RUNDC3B: variants seen among roughly 807,000 people sequenced by gnomAD.
RUNDC3B encodes RUN domain containing 3B.
Under a neutral mutation model 58.4 loss-of-function variants are expected in RUNDC3B, and 33 were observed. The observed-to-expected ratio is 0.56, with a 90% confidence interval of 0.43 to 0.75. The LOEUF (loss-of-function observed/expected upper bound fraction) is 0.75, where lower values mean the gene tolerates loss of function less well. RUNDC3B is among the 30% of genes least tolerant of loss of function. RUNDC3B has a pLI of 0.00. For missense variants in RUNDC3B, 501 were observed against 535.7 expected, an observed-to-expected ratio of 0.94 and a Z score of 0.64; for synonymous variants, 193 against 195.2, an observed-to-expected ratio of 0.99 and a Z score of 0.10.
intron 2 of RUNDC3B, among the ~76,000 whole-genome samples, chr7:87,675,516 T>G (rs1245464926): frequency 6.6e-6 from 1 of 151,732 alleles, no homozygotes; most frequent in African/African-American, 2.4e-5. Context: ...CATAGACCAA[T>G]GGAACAAAGT....
intron 2 of RUNDC3B, among the ~76,000 whole-genome samples, chr7:87,663,551 G>T (rs1386769312): frequency 1.3e-5 from 2 of 151,870 alleles, no homozygotes; most frequent in Non-Finnish European, 2.9e-5. Flanking sequence ...CCATCTTTCT[G>T]TTACAGCATA....
intron 4 of RUNDC3B, among the ~76,000 whole-genome samples, chr7:87,726,700 G>A (rs1423125627): frequency 6.6e-6 from 1 of 152,108 alleles, no homozygotes; most frequent in Non-Finnish European, 1.5e-5. Flanking sequence ...CCATTTTCAG[G>A]ATATTGATTC....
chr7:87,793,703 A>G (rs1327969551), intron 8 of RUNDC3B, among the ~76,000 whole-genome samples: 2 of 152,172 alleles, frequency 1.3e-5, no homozygotes, highest in Non-Finnish European at 2.9e-5. Flanking sequence ...AATAAAAGCT[A>G]TATACAACAT....
Position 87,807,413 on chromosome 7 carries a change from T to G in RUNDC3B, c.997T>G (p.Leu333Val). The change falls in exon 9 of 11, where the codon TTA (leucine) becomes GTA (valine). Residue 333 changes from leucine (L) to valine (V), a missense_variant. Transcript: ENST00000394654. ...KNNDLRSRQE[L>V]TAHLTNQWPS... ...TAATGATTTAAGATCGAGACAAGAG[T>G]TAACTGCCCATCTCACCAACCAGTG... is the stretch of plus-strand genomic sequence containing the variant. 3 of 1,613,680 alleles carry G rather than the reference T, an allele frequency of 1.9e-6. No homozygotes were observed. The highest frequency in any genetic ancestry group is 2.5e-6 in the Non-Finnish European group (3 of 1,179,714).
intron 2 of RUNDC3B, among the ~76,000 whole-genome samples, chr7:87,672,215 C>T (rs1258896189): frequency 6.6e-6 from 1 of 152,180 alleles, no homozygotes. Flanking sequence ...GGAGGTTCCA[C>T]CCATAGGAGG....
At chr7:87,767,829 T>C (rs1332551589) in intron 6 of RUNDC3B, among the ~76,000 whole-genome samples, 1 of 152,146 alleles carries the variant, frequency 6.6e-6, no homozygotes, top group Non-Finnish European at 1.5e-5. Flanking sequence ...TGCAATCAGC[T>C]TCCCTGTCAC....
intron 6 of RUNDC3B, among the ~76,000 whole-genome samples, chr7:87,743,192 A>C (rs1013686130): frequency 2.0e-5 from 3 of 152,060 alleles, no homozygotes; most frequent in African/African-American, 7.2e-5. Flanking sequence ...TTCCTTGTAT[A>C]ACACAGTTTC....
chr7:87,826,500 T>C (rs768258813), intron 10 of RUNDC3B, among the ~76,000 whole-genome samples: 19 of 151,424 alleles, frequency 1.3e-4, no homozygotes, highest in Non-Finnish European at 1.8e-4. Context: ...AAGAATGGAT[T>C]TGAAAGAAAA....
At chr7:87,814,600 T>C (rs1584269505) in intron 9 of RUNDC3B, among the ~76,000 whole-genome samples, 1 of 152,294 alleles carries the variant, frequency 6.6e-6, no homozygotes, top group Non-Finnish European at 1.5e-5. Context: ...ATGAAATAAG[T>C]TCATATATAT....
intron 9 of RUNDC3B, among the ~76,000 whole-genome samples, chr7:87,811,458 C>T (rs371330331): frequency 2.0e-5 from 3 of 151,968 alleles, no homozygotes; most frequent in African/African-American, 4.8e-5. Context: ...CTCAGCCTCC[C>T]GAGTAGCTGG....
At chr7:87,638,345 TTGTGTG>T (rs71524692) in intron 1 of RUNDC3B, among the ~76,000 whole-genome samples, 41 of 144,784 alleles carry the variant, frequency 2.8e-4, no homozygotes, top group East Asian at 1.2e-3. Flanking sequence ...AAGTATGTGT[TTGTGTG>T]TGTGTGTGTG....
intron 6 of RUNDC3B, among the ~76,000 whole-genome samples, chr7:87,762,273 T>C (rs527396824): frequency 2.0e-5 from 3 of 151,722 alleles, no homozygotes; most frequent in African/African-American, 7.2e-5. Flanking sequence ...TTAATAGAAA[T>C]GTTTTATGGC....
At chr7:87,704,257 A>C (rs1208038374) in intron 3 of RUNDC3B, among the ~76,000 whole-genome samples, 1 of 152,108 alleles carries the variant, frequency 6.6e-6, no homozygotes, top group Non-Finnish European at 1.5e-5. Context: ...TGGCTTAAGA[A>C]TTATATCTAC....
At chr7:87,692,776 T>C (rs181667893) in intron 2 of RUNDC3B, among the ~76,000 whole-genome samples, 1 of 152,366 alleles carries the variant, frequency 6.6e-6, no homozygotes, top group East Asian at 1.9e-4. Context: ...CATTCAATGT[T>C]GAGAAATTTC....
intron 6 of RUNDC3B, among the ~76,000 whole-genome samples, chr7:87,767,275 G>A (rs998956542): frequency 6.6e-6 from 1 of 152,152 alleles, no homozygotes; most frequent in Non-Finnish European, 1.5e-5. Flanking sequence ...TAGAGAACTA[G>A]TGTAATCCTT....
At chr7:87,701,975 C>G (rs1003536673) in intron 3 of RUNDC3B, among the ~76,000 whole-genome samples, 2 of 151,680 alleles carry the variant, frequency 1.3e-5, no homozygotes, top group East Asian at 3.9e-4. Context: ...AACCCCGTCT[C>G]TACTGAAAAT....
chr7:87,724,262 C>A (rs1831084427), intron 4 of RUNDC3B, among the ~76,000 whole-genome samples: 1 of 152,024 alleles, frequency 6.6e-6, no homozygotes, highest in Non-Finnish European at 1.5e-5. Context: ...CGTGGGGATA[C>A]CAAGAACTCT....
chr7:87,697,490 A>G (rs1034898551), intron 2 of RUNDC3B, among the ~76,000 whole-genome samples: 6 of 152,344 alleles, frequency 3.9e-5, no homozygotes, highest in Admixed American at 3.3e-4. Flanking sequence ...TAACTTTAGA[A>G]TGGTTGATGA....
chr7:87,768,590 C>A (rs1407720530), intron 6 of RUNDC3B, among the ~76,000 whole-genome samples: 1 of 152,218 alleles, frequency 6.6e-6, no homozygotes, highest in African/African-American at 2.4e-5. Context: ...CAGAATTGCC[C>A]AGGTTTGCAG....
Sources: allele counts gnomAD v4.1 joint callset (sites outside exome capture counted in the v4.1 genomes callset), GRCh38; gene constraint gnomAD v4.1.1; transcripts MANE v1.5; gene names NCBI Gene and HGNC (gene_info 2026-07-23, HGNC 2026-07-21).